PTN: variants seen among roughly 807,000 people sequenced by gnomAD.
PTN encodes the protein pleiotrophin, also known as heparin affin regulatory protein.
In PTN, 18 loss-of-function variants were observed where a neutral mutation model predicts 24.1. The observed-to-expected ratio is 0.75, with a 90% CI of 0.52 to 1.11. The LOEUF is 1.11. Among genes scored for constraint, PTN ranks in the 50% least tolerant of loss-of-function variants. The probability of loss-of-function intolerance (pLI) is 0.00; values close to 1 mark genes in which losing one functional copy is unlikely to be tolerated. For synonymous variants in PTN, 78 were observed against 68.6 expected, an observed-to-expected ratio of 1.14 and a Z score of -0.67; for missense variants, 163 against 198.8, an observed-to-expected ratio of 0.82 and a Z score of 1.08.
At chr7:137,340,252 C>T (rs1810513426) in intron 1 of PTN, among the ~76,000 whole-genome samples, 1 of 152,092 alleles carries the variant, frequency 6.6e-6, no homozygotes, top group African/African-American at 2.4e-5. Context: ...CACAATATTC[C>T]CATATTTATA....
At chr7:137,307,602 T>C (rs1809910119) in intron 1 of PTN, among the ~76,000 whole-genome samples, 1 of 130,490 alleles carries the variant, frequency 7.7e-6, no homozygotes, top group Admixed American at 7.4e-5. Context: ...TCTATGACTA[T>C]ATATATATAT....
At chr7:137,333,025 C>T (rs928976398) in intron 1 of PTN, among the ~76,000 whole-genome samples, 4 of 152,102 alleles carry the variant, frequency 2.6e-5, no homozygotes, top group South Asian at 2.1e-4. Context: ...GGAGGTGGTG[C>T]CAGATGGGAA....
intron 1 of PTN, among the ~76,000 whole-genome samples, chr7:137,305,414 A>T (rs1809871570): frequency 6.6e-6 from 1 of 152,052 alleles, no homozygotes; most frequent in Non-Finnish European, 1.5e-5. Context: ...AGCTGTTTCT[A>T]TCACCTTTCA....
chr7:137,248,946 A>G (rs1808773956), intron 4 of PTN, among the ~76,000 whole-genome samples: 1 of 152,166 alleles, frequency 6.6e-6, no homozygotes, highest in Non-Finnish European at 1.5e-5. Context: ...CAGAATGTCT[A>G]TCCACTTGAA....
chr7:137,288,505 G>C (rs1585030758), intron 1 of PTN, among the ~76,000 whole-genome samples: 1 of 152,196 alleles, frequency 6.6e-6, no homozygotes, highest in East Asian at 1.9e-4. Context: ...CATTCCAGGG[G>C]CCTCCAATGA....
chr7:137,343,135 C>G (rs1370028751), intron 1 of PTN, among the ~76,000 whole-genome samples: 1 of 152,166 alleles, frequency 6.6e-6, no homozygotes, highest in Non-Finnish European at 1.5e-5. Flanking sequence ...ACTCTCCAGC[C>G]CACCCTGTCT....
At chr7:137,333,797 C>A (rs931980050) in intron 1 of PTN, among the ~76,000 whole-genome samples, 1 of 152,172 alleles carries the variant, frequency 6.6e-6, no homozygotes, top group Admixed American at 6.5e-5. Context: ...AACTATACTA[C>A]AAGCCTACAG....
At chr7:137,290,723 G>C (rs1369090050) in intron 1 of PTN, among the ~76,000 whole-genome samples, 1 of 151,982 alleles carries the variant, frequency 6.6e-6, no homozygotes, top group East Asian at 1.9e-4. Context: ...GTGAGCTGGG[G>C]TGGCCAGTAG....
At chr7:137,302,649 T>A (rs1298412090) in intron 1 of PTN, among the ~76,000 whole-genome samples, 1 of 151,986 alleles carries the variant, frequency 6.6e-6, no homozygotes, top group Non-Finnish European at 1.5e-5. Context: ...TTGTCCAATA[T>A]TGTTAGTGCT....
At chr7:137,260,475 T>G (rs1287048165) in intron 1 of PTN, among the ~76,000 whole-genome samples, 1 of 152,138 alleles carries the variant, frequency 6.6e-6, no homozygotes, top group Non-Finnish European at 1.5e-5. Flanking sequence ...ATTTGAAGGT[T>G]TTATTCAAGG....
intron 1 of PTN, among the ~76,000 whole-genome samples, chr7:137,337,355 T>C (rs571238022): frequency 1.3e-5 from 2 of 152,312 alleles, no homozygotes; most frequent in African/African-American, 2.4e-5. Context: ...TTTGTTTTCA[T>C]ATCTGTATGT....
At chr7:137,325,005 T>C (rs910308008) in intron 1 of PTN, among the ~76,000 whole-genome samples, 4 of 152,156 alleles carry the variant, frequency 2.6e-5, no homozygotes, top group African/African-American at 9.6e-5. Context: ...AATTGTACTG[T>C]AATAGGCTCA....
chr7:137,340,621 A>G (rs1209625124), intron 1 of PTN, among the ~76,000 whole-genome samples: 1 of 152,230 alleles, frequency 6.6e-6, no homozygotes, highest in African/African-American at 2.4e-5. Flanking sequence ...CACAGCAGTG[A>G]CATGACCTTG....
intron 4 of PTN, chr7:137,236,093 C>CA (rs1205186941): frequency 1.4e-6 from 1 of 691,088 alleles, no homozygotes; most frequent in Non-Finnish European, 2.6e-6. Flanking sequence ...CCATGCAGAA[C>CA]AAAATTAATA....
At chr7:137,307,521 T>A (rs1437113934) in intron 1 of PTN, among the ~76,000 whole-genome samples, 2 of 152,166 alleles carry the variant, frequency 1.3e-5, no homozygotes, top group African/African-American at 2.4e-5. Flanking sequence ...ATTCATTTTT[T>A]AAATTTTTAT....
chr7:137,297,315 A>G (rs1348826859), intron 1 of PTN, among the ~76,000 whole-genome samples: 1 of 152,114 alleles, frequency 6.6e-6, no homozygotes, highest in Non-Finnish European at 1.5e-5. Context: ...GCCACTGTGG[A>G]TATCTAAGAC....
intron 4 of PTN, among the ~76,000 whole-genome samples, chr7:137,234,218 G>T (rs1160626889): frequency 6.6e-6 from 1 of 151,634 alleles, no homozygotes; most frequent in East Asian, 1.9e-4. Flanking sequence ...CATATATTTT[G>T]TAACCTTTCA....
intron 4 of PTN, among the ~76,000 whole-genome samples, chr7:137,248,548 C>T (rs958619660): frequency 3.3e-5 from 5 of 152,032 alleles, no homozygotes; most frequent in Admixed American, 1.3e-4. Context: ...ATTAGCTGGG[C>T]GCATGCCCAT....
At chr7:137,242,825 A>G (rs1808654449) in intron 4 of PTN, among the ~76,000 whole-genome samples, 1 of 152,160 alleles carries the variant, frequency 6.6e-6, no homozygotes, top group Non-Finnish European at 1.5e-5. Flanking sequence ...GACTGCCTAT[A>G]GAGCCACAGC....
Sources: gnomAD v4.1 joint callset for allele counts (sites outside exome capture counted in the v4.1 genomes callset) on GRCh38, gnomAD v4.1.1 for gene constraint, MANE v1.5 for transcripts, NCBI Gene and HGNC (gene_info 2026-07-23, HGNC 2026-07-21) for gene names.